CREB5: variants seen among roughly 807,000 people sequenced by gnomAD.
CREB5 encodes the protein cyclic AMP-responsive element-binding protein 5.
In CREB5, 19 loss-of-function variants were observed where a neutral mutation model predicts 57.1. The ratio of observed to expected loss-of-function variants is 0.33; its 90% CI spans 0.23 to 0.49. The LOEUF is 0.49. CREB5 is among the 20% of genes least tolerant of loss of function. The probability of loss-of-function intolerance (pLI) is 0.99; values close to 1 mark genes in which losing one functional copy is unlikely to be tolerated. For missense variants in CREB5, 579 were observed against 671.6 expected, an observed-to-expected ratio of 0.86 and a Z score of 1.52; for synonymous variants, 238 against 238.3, an observed-to-expected ratio of 1.00 and a Z score of 0.01.
intron 1 of CREB5, among the ~76,000 whole-genome samples, chr7:28,395,793 C>T (rs1335320617): frequency 6.6e-6 from 1 of 151,918 alleles, no homozygotes; most frequent in African/African-American, 2.4e-5. Context: ...TTCTTTCTTT[C>T]TTTCTTTCTT....
chr7:28,468,209 A>G (rs1790669158), intron 1 of CREB5, among the ~76,000 whole-genome samples: 1 of 152,206 alleles, frequency 6.6e-6, no homozygotes. Flanking sequence ...TACATGTCAC[A>G]GGCTGCTTCC....
intron 7 of CREB5, among the ~76,000 whole-genome samples, chr7:28,753,398 A>T (rs1318782027): frequency 2.6e-5 from 4 of 151,960 alleles, no homozygotes; most frequent in East Asian, 1.9e-4. Context: ...ACACACACTC[A>T]CACACTCACA....
intron 4 of CREB5, among the ~76,000 whole-genome samples, chr7:28,560,827 C>CGTGTGTGTGTGTGCGTGTGTGT (rs1562797026): frequency 4.8e-4 from 43 of 89,100 alleles, no homozygotes; most frequent in African/African-American, 1.8e-3. Context: ...TGTGTGCGCG[C>CGTGTGTGTGTGTGCGTGTGTGT]GCGCGCGTGT....
intron 2 of CREB5, among the ~76,000 whole-genome samples, chr7:28,489,719 A>G (rs1281226766): frequency 2.0e-5 from 3 of 152,176 alleles, no homozygotes; most frequent in Non-Finnish European, 4.4e-5. Flanking sequence ...TAACTGAACA[A>G]CCAGAGTCCT....
intron 7 of CREB5, among the ~76,000 whole-genome samples, chr7:28,801,449 A>G (rs1227343110): frequency 6.6e-6 from 1 of 152,224 alleles, no homozygotes; most frequent in Non-Finnish European, 1.5e-5. Context: ...AGTATCATCC[A>G]AAAACTTCTC....
At chr7:28,768,373 A>C (rs962582168) in intron 7 of CREB5, among the ~76,000 whole-genome samples, 1 of 152,346 alleles carries the variant, frequency 6.6e-6, no homozygotes, top group Non-Finnish European at 1.5e-5. Flanking sequence ...TCTTGGGGGA[A>C]TAGTTTTCTT....
At chr7:28,789,503 A>G (rs1221279292) in intron 7 of CREB5, among the ~76,000 whole-genome samples, 1 of 152,124 alleles carries the variant, frequency 6.6e-6, no homozygotes, top group Non-Finnish European at 1.5e-5. Context: ...AGTGCTTTGG[A>G]AACACCCTGC....
intron 7 of CREB5, among the ~76,000 whole-genome samples, chr7:28,796,954 TAA>T (rs1425694499): frequency 6.6e-6 from 1 of 152,222 alleles, no homozygotes; most frequent in African/African-American, 2.4e-5. Flanking sequence ...TGCTGAATTA[TAA>T]AAGACAGCCA....
At chr7:28,609,554 C>T (rs1797306035) in intron 5 of CREB5, among the ~76,000 whole-genome samples, 1 of 152,176 alleles carries the variant, frequency 6.6e-6, no homozygotes, top group African/African-American at 2.4e-5. Flanking sequence ...TTGATTTTGT[C>T]TTCAGCTTAA....
chr7:28,344,160 A>G (rs1302633843), intron 1 of CREB5, among the ~76,000 whole-genome samples: 1 of 151,448 alleles, frequency 6.6e-6, no homozygotes, highest in Admixed American at 6.6e-5. Flanking sequence ...TCTCTTCAGC[A>G]TGTTGTTTCC....
intron 4 of CREB5, among the ~76,000 whole-genome samples, chr7:28,529,621 AC>A (rs1278688630): frequency 1.3e-5 from 2 of 152,156 alleles, no homozygotes; most frequent in African/African-American, 4.8e-5. Flanking sequence ...AAGAACAAAA[AC>A]TGTCTGTCTC....
At chr7:28,675,521 A>G (rs770360913) in intron 5 of CREB5, among the ~76,000 whole-genome samples, 31 of 152,370 alleles carry the variant, frequency 2.0e-4, no homozygotes, top group Admixed American at 3.3e-4. Flanking sequence ...TTAAGAGGGT[A>G]TCAGGAAATG....
chr7:28,381,046 C>T (rs1007286938), intron 1 of CREB5, among the ~76,000 whole-genome samples: 3 of 152,098 alleles, frequency 2.0e-5, no homozygotes, highest in Non-Finnish European at 2.9e-5. Context: ...CATTACATCC[C>T]GGTTCCAGAA....
chr7:28,689,047 C>A lies in CREB5; in HGVS notation c.465-29706C>A, dbSNP rs114889328. Among the ~76,000 whole-genome samples the A allele has an allele frequency of 2.2e-3, 330 of 152,228 alleles. 1 individual carries two copies. Among genetic ancestry groups the A allele is most frequent in the African/African-American group, 7.5e-3 (313 of 41,528 alleles). Reference sequence around the variant, plus strand: ...AGCTCATTACACTTACCCACGGTAACCCAGAGGGCTAAAAATTATTAATTC... The same window carrying A: ...AGCTCATTACACTTACCCACGGTAAACCAGAGGGCTAAAAATTATTAATTC... On this transcript the variant is annotated intron_variant, in intron 5 of 10. Transcript: ENST00000357727.
intron 1 of CREB5, among the ~76,000 whole-genome samples, chr7:28,431,727 T>C (rs553574419): frequency 6.6e-5 from 10 of 152,266 alleles, no homozygotes; most frequent in Non-Finnish European, 1.3e-4. Context: ...TTCCAGTCAC[T>C]TGAAGATGAA....
intron 7 of CREB5, among the ~76,000 whole-genome samples, chr7:28,761,723 G>GAT (rs1805666352): frequency 6.7e-6 from 1 of 149,172 alleles, no homozygotes; most frequent in South Asian, 2.2e-4. Flanking sequence ...TGATGTGAGG[G>GAT]ATGTGTGTGT....
At chr7:28,775,613 ATTC>A (rs1169006666) in intron 7 of CREB5, among the ~76,000 whole-genome samples, 2 of 143,144 alleles carry the variant, frequency 1.4e-5, no homozygotes, top group African/African-American at 5.2e-5. Context: ...TGTTTTGTGT[ATTC>A]TTCTGCAACT....
chr7:28,557,202 TTTATATG>T (rs1794914013), intron 4 of CREB5, among the ~76,000 whole-genome samples: 2 of 152,132 alleles, frequency 1.3e-5, no homozygotes, highest in African/African-American at 2.4e-5. Context: ...AAATTGTGCT[TTTATATG>T]CAGTCTTCTC....
intron 5 of CREB5, among the ~76,000 whole-genome samples, chr7:28,621,212 G>A (rs7786476): frequency 0.019 from 2,866 of 152,060 alleles, 100 homozygotes; most frequent in African/African-American, 0.066. Context: ...GGGTCACAGG[G>A]CATCCACATC....
Sources: gnomAD v4.1 joint callset for allele counts (sites outside exome capture counted in the v4.1 genomes callset) on GRCh38, gnomAD v4.1.1 for gene constraint, MANE v1.5 for transcripts, NCBI Gene and HGNC (gene_info 2026-07-23, HGNC 2026-07-21) for gene names.